NBAS: variants seen among roughly 807,000 people sequenced by gnomAD.
The protein encoded by NBAS is NBAS subunit of NRZ tethering complex.
Under a neutral mutation model 302.5 loss-of-function variants are expected in NBAS, and 219 were observed. That is an observed-to-expected ratio of 0.72 (90% CI 0.65 to 0.81). The LOEUF is 0.81. NBAS is among the 30% of genes least tolerant of loss of function. The probability of loss-of-function intolerance (pLI) is 0.00; values close to 1 mark genes in which losing one functional copy is unlikely to be tolerated. For synonymous variants in NBAS, 1,118 were observed against 1,021.6 expected, an observed-to-expected ratio of 1.09 and a Z score of -1.80; for missense variants, 2,932 against 2,841.6, an observed-to-expected ratio of 1.03 and a Z score of -0.72.
Position 15,417,691 on chromosome 2 carries a change from TAAGTGACAATGC to T in NBAS, c.2587_2598del (p.Ala863_Leu866del). On this transcript the variant is annotated inframe_deletion, in exon 24 of 52. Transcript: ENST00000281513. The stretch of plus-strand genomic sequence containing the variant: ...ATATTCCGCTCCATCCCAAGTCGAA[TAAGTGACAATGC>T]ACAGTCCACCTAAAATTGAAAAGCA... The T allele has an allele frequency of 6.2e-7, 1 of 1,613,940 alleles. No individual in the cohort carries two copies. The highest frequency in any genetic ancestry group is 8.5e-7 in the Non-Finnish European group (1 of 1,179,922).
At chr2:15,522,606 G>A (rs778932506) in intron 9 of NBAS, among the ~76,000 whole-genome samples, 2 of 152,188 alleles carry the variant, frequency 1.3e-5, no homozygotes, top group Non-Finnish European at 2.9e-5. Context: ...GGATAAGGCT[G>A]CCTATAAAAA....
At chr2:15,135,658 G>A in the NBAS span, among the ~76,000 whole-genome samples, 2 of 152,166 alleles carry the variant, frequency 1.3e-5, no homozygotes, top group East Asian at 1.9e-4. Context: ...TCTGGGTAGT[G>A]GAGTTGCTGC....
chr2:14,948,730 A>AC, the NBAS span, among the ~76,000 whole-genome samples: 1 of 90,150 alleles, frequency 1.1e-5, no homozygotes, highest in African/African-American at 7.6e-5. Context: ...TCACAGAAAT[A>AC]GAAAAAAAAA....
intron 35 of NBAS, among the ~76,000 whole-genome samples, chr2:15,342,465 T>C (rs1249161735): frequency 6.6e-6 from 1 of 152,116 alleles, no homozygotes; most frequent in Non-Finnish European, 1.5e-5. Context: ...ATATATGCAG[T>C]ATGAATTCAT....
the NBAS span, among the ~76,000 whole-genome samples, chr2:14,967,830 A>G: frequency 6.6e-6 from 1 of 152,216 alleles, no homozygotes; most frequent in Non-Finnish European, 1.5e-5. Context: ...GTATGCAGAC[A>G]GTGAAAAAGA....
At chr2:15,087,518 C>T in the NBAS span, among the ~76,000 whole-genome samples, 1 of 152,144 alleles carries the variant, frequency 6.6e-6, no homozygotes, top group Non-Finnish European at 1.5e-5. Context: ...GATAAAGTGG[C>T]CAGCCTAGCC....
At chr2:15,394,659 C>G (rs1006504203) in intron 27 of NBAS, among the ~76,000 whole-genome samples, 1 of 152,064 alleles carries the variant, frequency 6.6e-6, no homozygotes, top group African/African-American at 2.4e-5. Context: ...TAAGCCAAAT[C>G]TATACTTTCA....
rs573144728 is a variant in NBAS at position 15,375,612 on chromosome 2, T to A, written c.3591-892A>T. On this transcript the variant is annotated intron_variant, in intron 30 of 51. Coordinates refer to ENST00000281513, the MANE Select transcript of NBAS (RefSeq NM_015909.4). The stretch of plus-strand genomic sequence containing the variant: ...AAGTGTGAAAGGTCTATAACCTCTT[T>A]GTGGTTTCTATCAAAATTGTAAATG... Among the ~76,000 whole-genome samples the A allele has an allele frequency of 5.3e-5, 8 of 152,306 alleles. No homozygotes were observed. In the South Asian group the frequency reaches 1.0e-3, roughly 20 times the overall value.
At chr2:15,515,355 C>A (rs185789059) in intron 9 of NBAS, among the ~76,000 whole-genome samples, 394 of 152,236 alleles carry the variant, frequency 2.6e-3, no homozygotes, top group Middle Eastern at 3.4e-3. Flanking sequence ...TTCAGTTATA[C>A]ATGCCAAGGG....
At chr2:14,824,776 G>C in the NBAS span, among the ~76,000 whole-genome samples, 1 of 152,128 alleles carries the variant, frequency 6.6e-6, no homozygotes, top group Non-Finnish European at 1.5e-5. Context: ...ATTGCGACTT[G>C]GAGGCAGTAG....
chr2:15,467,321 T>A lies in NBAS; in HGVS notation c.2097+8A>T, dbSNP rs778675058. The A allele has an allele frequency of 3.1e-6, 5 of 1,598,780 alleles. No homozygotes were observed. The highest frequency in any genetic ancestry group is 2.6e-6 in the Non-Finnish European group (3 of 1,166,228). On this transcript the variant is annotated splice_region_variant and intron_variant, in intron 19 of 51. Coordinates refer to ENST00000281513, the MANE Select transcript of NBAS (RefSeq NM_015909.4). ...AACATAATTGGTTTGACAAAAATTA[T>A]TCATTACCTCATATGTTGCAAGTCG...
chr2:15,347,717 G>A (rs1673160745), intron 35 of NBAS, among the ~76,000 whole-genome samples: 2 of 152,086 alleles, frequency 1.3e-5, no homozygotes, highest in Non-Finnish European at 2.9e-5. Context: ...CCTAATACTA[G>A]CTAAACAAAA....
chr2:15,342,771 T>A (rs1306345359), intron 35 of NBAS, among the ~76,000 whole-genome samples: 1 of 152,134 alleles, frequency 6.6e-6, no homozygotes, highest in Non-Finnish European at 1.5e-5. Flanking sequence ...TTATCATAGA[T>A]GTTTCACATC....
chr2:14,889,233 G>A, the NBAS span, among the ~76,000 whole-genome samples: 2 of 152,206 alleles, frequency 1.3e-5, no homozygotes, highest in African/African-American at 4.8e-5. Flanking sequence ...GCAGCATCCT[G>A]TTTTGTATCT....
intron 30 of NBAS, 88 bp from the exon 31 acceptor site, chr2:15,374,808 C>G: frequency 9.1e-7 from 1 of 1,102,688 alleles, no homozygotes; most frequent in Non-Finnish European, 1.4e-6. Flanking sequence ...ACATATTTAT[C>G]AAAAATCTAC....
In NBAS at chr2:15,502,527, A is replaced by G. The variant is rs114093028; in HGVS notation, c.954+1618T>C. Among the ~76,000 whole-genome samples the G allele has an allele frequency of 3.3e-3, 510 of 152,388 alleles. 2 individuals are homozygous for G. Among genetic ancestry groups the G allele is most frequent in the African/African-American group, 0.011 (468 of 41,594 alleles). On this transcript the variant is annotated intron_variant, in intron 11 of 51. Coordinates refer to ENST00000281513, the MANE Select transcript of NBAS (RefSeq NM_015909.4). ...TGCTCCTAGGGCCATGAACCTGCTC[A>G]GCATGCTACTCTACTGAATACTGTG... is the stretch of plus-strand genomic sequence containing the variant.
chr2:15,478,175 T>C (rs750452221), intron 13 of NBAS, 51 bp downstream of exon 13: 3 of 1,214,662 alleles, frequency 2.5e-6, no homozygotes, highest in East Asian at 2.3e-5. Context: ...GAATCTTGTA[T>C]AATAATAGGA....
chr2:15,187,169 G>A (rs1665127897), intron 49 of NBAS, among the ~76,000 whole-genome samples: 1 of 152,154 alleles, frequency 6.6e-6, no homozygotes, highest in African/African-American at 2.4e-5. Flanking sequence ...TGGGTCCTCA[G>A]AGAAGTTATT....
At chr2:15,024,500 G>A in the NBAS span, among the ~76,000 whole-genome samples, 1 of 152,156 alleles carries the variant, frequency 6.6e-6, no homozygotes, top group African/African-American at 2.4e-5. Flanking sequence ...GGATTGCTGG[G>A]TTGAATGGTA....
Sources: gnomAD v4.1 joint callset for allele counts (sites outside exome capture counted in the v4.1 genomes callset) on GRCh38, gnomAD v4.1.1 for gene constraint, MANE v1.5 for transcripts, NCBI Gene and HGNC (gene_info 2026-07-23, HGNC 2026-07-21) for gene names.